PRPSAP2: variants seen among roughly 807,000 people sequenced by gnomAD.
PRPSAP2 encodes the protein phosphoribosyl pyrophosphate synthetase associated protein 2.
In PRPSAP2, 24 loss-of-function variants were observed where a neutral mutation model predicts 40.6. That is an observed-to-expected ratio of 0.59 (90% CI 0.43 to 0.83). The LOEUF is 0.83. Ranked by LOEUF, PRPSAP2 falls within the 40% of genes least tolerant of loss-of-function variation. The pLI is 0.00. For synonymous variants in PRPSAP2, 149 were observed against 164.7 expected, an observed-to-expected ratio of 0.90 and a Z score of 0.73; for missense variants, 292 against 465.6, an observed-to-expected ratio of 0.63 and a Z score of 3.43.
At chr17:18,918,677 T>A (rs973782907) in intron 9 of PRPSAP2, among the ~76,000 whole-genome samples, 5 of 152,162 alleles carry the variant, frequency 3.3e-5, no homozygotes, top group African/African-American at 1.2e-4. Flanking sequence ...GGGAGGCTGA[T>A]GAAGTTGAGC....
At chr17:18,924,602 C>A (rs965743038) in intron 10 of PRPSAP2, among the ~76,000 whole-genome samples, 5 of 151,458 alleles carry the variant, frequency 3.3e-5, no homozygotes, top group African/African-American at 1.2e-4. Context: ...AACCCTGTCT[C>A]TACAAAAAAT....
intron 9 of PRPSAP2, among the ~76,000 whole-genome samples, chr17:18,914,236 G>T: frequency 1.5e-5 from 2 of 131,178 alleles, no homozygotes; most frequent in Admixed American, 1.5e-4. Context: ...GTTCTGTCCT[G>T]AACATGTTTT....
intron 9 of PRPSAP2, among the ~76,000 whole-genome samples, chr17:18,912,208 A>G (rs1422273110): frequency 6.6e-6 from 1 of 151,298 alleles, no homozygotes. Flanking sequence ...TAAAGGCGCC[A>G]GCAGATTTGG....
chr17:18,926,220 G>A (rs945049135), intron 10 of PRPSAP2, among the ~76,000 whole-genome samples: 13 of 151,360 alleles, frequency 8.6e-5, no homozygotes, highest in Admixed American at 2.0e-4. Flanking sequence ...CTTTCCCCCC[G>A]TTCTAGTGCC....
At chr17:18,908,296 G>A (rs2040729424) in intron 8 of PRPSAP2, 3 of 776,170 alleles carry the variant, frequency 3.9e-6, no homozygotes, top group Non-Finnish European at 7.2e-6. Context: ...ACACTCATGA[G>A]GACCATGATA....
At chr17:18,884,653 A>C (rs2039001607) in intron 7 of PRPSAP2, among the ~76,000 whole-genome samples, 1 of 152,158 alleles carries the variant, frequency 6.6e-6, no homozygotes, top group Admixed American at 6.6e-5. Flanking sequence ...TTTTACCTGA[A>C]TATTATTCTT....
At chr17:18,923,507 ATAT>A (rs147617344) in intron 9 of PRPSAP2, among the ~76,000 whole-genome samples, 27,252 of 152,068 alleles carry the variant, frequency 0.18, 2,673 homozygotes, top group African/African-American at 0.24. Context: ...CTGAATTCAT[ATAT>A]TATTAGCTTT....
At chr17:18,895,043 T>C (rs929145523) in intron 8 of PRPSAP2, among the ~76,000 whole-genome samples, 2 of 151,810 alleles carry the variant, frequency 1.3e-5, no homozygotes, top group Non-Finnish European at 2.9e-5. Flanking sequence ...TTGATTTCTG[T>C]CATCAGAGTT....
chr17:18,914,732 T>G (rs1395153056), intron 9 of PRPSAP2, among the ~76,000 whole-genome samples: 1 of 151,150 alleles, frequency 6.6e-6, no homozygotes, highest in Non-Finnish European at 1.5e-5. Context: ...CACTGCCCTT[T>G]TTTTTTTTTT....
At chr17:18,887,606 A>G (rs11655747) in intron 7 of PRPSAP2, among the ~76,000 whole-genome samples, 5 of 152,166 alleles carry the variant, frequency 3.3e-5, no homozygotes, top group Non-Finnish European at 7.3e-5. Context: ...GGGAACTATT[A>G]GGTCCTGAAA....
Position 18,882,796 on chromosome 17 carries a change from T to C in PRPSAP2, c.528+113T>C, listed in dbSNP as rs1450184830. ...AAAACTTGATGTATTGTACTTAAAG[T>C]ACCATTATACTTTATAGCTATAATC... On this transcript the variant is annotated intron_variant, in intron 7 of 11. Transcript: ENST00000268835. The C allele has an allele frequency of 5.8e-6, 4 of 684,022 alleles. No individual in the cohort carries two copies. The Admixed American group carries it at 7.4e-5, about 13-fold the overall frequency. 42.4% of individuals were successfully genotyped at this position (684,022 alleles called of 1,614,324 possible).
chr17:18,915,488 T>C (rs1033209176), intron 9 of PRPSAP2, among the ~76,000 whole-genome samples: 10 of 152,156 alleles, frequency 6.6e-5, no homozygotes, highest in Non-Finnish European at 5.9e-5. Flanking sequence ...GAAGACACTT[T>C]ATTTAGCTCA....
intron 1 of PRPSAP2, among the ~76,000 whole-genome samples, chr17:18,863,143 A>C (rs2037163783): frequency 6.6e-6 from 1 of 151,214 alleles, no homozygotes; most frequent in Admixed American, 6.6e-5. Flanking sequence ...TTATTTTTTT[A>C]TTTTTTTGAG....
chr17:18,861,247 C>T (rs2036991610), intron 1 of PRPSAP2, among the ~76,000 whole-genome samples: 1 of 151,936 alleles, frequency 6.6e-6, no homozygotes, highest in Non-Finnish European at 1.5e-5. Context: ...GGTGGATTAC[C>T]TGAGCTTGGG....
At chr17:18,909,273 G>A (rs9902737) in intron 8 of PRPSAP2, among the ~76,000 whole-genome samples, 14,038 of 136,626 alleles carry the variant, frequency 0.1, 848 homozygotes, top group African/African-American at 0.18. Context: ...ATGGAGTCTC[G>A]CTCTGTCGCC....
At chr17:18,910,469 G>A (rs949038630) in intron 8 of PRPSAP2, among the ~76,000 whole-genome samples, 2 of 152,120 alleles carry the variant, frequency 1.3e-5, no homozygotes, top group Non-Finnish European at 2.9e-5. Context: ...TTTCACTTAC[G>A]TGAAATTCTA....
intron 1 of PRPSAP2, among the ~76,000 whole-genome samples, 175 bp from the exon 2 acceptor site, chr17:18,865,294 A>G (rs1182826009): frequency 1.2e-4 from 18 of 152,134 alleles, no homozygotes; most frequent in Admixed American, 9.2e-4. Flanking sequence ...GAAAATGAAG[A>G]TGAGAGGTCA....
intron 5 of PRPSAP2, among the ~76,000 whole-genome samples, chr17:18,872,951 T>C (rs2037997912): frequency 1.3e-5 from 2 of 151,486 alleles, no homozygotes; most frequent in Admixed American, 1.3e-4. Flanking sequence ...CTAGTGATTC[T>C]CTTGCCTCAG....
In PRPSAP2 at chr17:18,890,191, T is replaced by C. The variant is rs951151620; in HGVS notation, c.584+314T>C. Among the ~76,000 whole-genome samples the C allele has an allele frequency of 4.0e-5, 6 of 151,872 alleles. No individual in the cohort carries two copies. The East Asian group carries it at 1.2e-3, about 29-fold the overall frequency. On this transcript the variant is annotated intron_variant, in intron 8 of 11. Transcript: ENST00000268835. ...TATTTTATTTCTTTATTTTTTGAGA[T>C]GGAGTTTCGCTCTTGTTGCCCAAGC...
Sources: allele counts gnomAD v4.1 joint callset (sites outside exome capture counted in the v4.1 genomes callset), GRCh38; gene constraint gnomAD v4.1.1; transcripts MANE v1.5; gene names NCBI Gene and HGNC (gene_info 2026-07-23, HGNC 2026-07-21).